The following PTPRM variants were observed in gnomAD, a reference collection of about 807,000 sequenced individuals.
PTPRM encodes receptor-type tyrosine-protein phosphatase mu.
PTPRM carries 47 observed loss-of-function variants against 186.7 expected under a neutral mutation model. The observed-to-expected ratio is 0.25, with a 90% confidence interval of 0.20 to 0.32. The LOEUF (loss-of-function observed/expected upper bound fraction) is 0.32, where lower values mean the gene tolerates loss of function less well. Ranked by LOEUF, PTPRM falls within the 10% of genes least tolerant of loss-of-function variation. PTPRM has a pLI of 1.00. For missense variants in PTPRM, 1,494 were observed against 1,865.0 expected (o/e 0.80, Z 3.66); for synonymous variants, 668 against 674.9 (o/e 0.99, Z 0.16).
chr18:8,185,413 C>G (rs769229193), intron 14 of PTPRM, among the ~76,000 whole-genome samples: 6 of 152,226 alleles, frequency 3.9e-5, no homozygotes, highest in Non-Finnish European at 8.8e-5. Context: ...AGCTGATCAC[C>G]TTGCTCGGGG....
At chr18:7,953,214 G>C (rs987827912) in intron 6 of PTPRM, among the ~76,000 whole-genome samples, 2 of 152,196 alleles carry the variant, frequency 1.3e-5, no homozygotes, top group Admixed American at 6.5e-5. Flanking sequence ...TAGGATACTA[G>C]TTACAATGTC....
intron 30 of PTPRM, 152 bp from the exon 31 acceptor site, chr18:8,386,920 C>T (rs2095778541): frequency 1.3e-6 from 1 of 774,886 alleles, no homozygotes; most frequent in East Asian, 2.6e-5. Context: ...AAAACCATAA[C>T]TCTTCAGGCC....
chr18:7,802,245 G>A (rs1422644398), intron 2 of PTPRM, among the ~76,000 whole-genome samples: 1 of 152,164 alleles, frequency 6.6e-6, no homozygotes, highest in Non-Finnish European at 1.5e-5. Context: ...GGGTCCCGCT[G>A]CTGCCTCCTG....
intron 4 of PTPRM, among the ~76,000 whole-genome samples, chr18:7,925,020 A>T (rs528315375): frequency 6.6e-6 from 1 of 152,288 alleles, no homozygotes; most frequent in African/African-American, 2.4e-5. Flanking sequence ...TATCTCCCTC[A>T]CAGAACATTT....
intron 22 of PTPRM, 91 bp downstream of exon 22, chr18:8,319,305 T>C (rs2095330881): frequency 1.1e-6 from 1 of 925,694 alleles, no homozygotes; most frequent in East Asian, 2.6e-5. Context: ...CAGGAAGATA[T>C]TGCACATTTA....
chr18:7,845,930 A>T (rs2046572288), intron 2 of PTPRM, among the ~76,000 whole-genome samples: 1 of 152,120 alleles, frequency 6.6e-6, no homozygotes, highest in Non-Finnish European at 1.5e-5. Flanking sequence ...CAATCCTGTA[A>T]TACAGGCTCA....
At chr18:7,865,666 C>T (rs570163817) in intron 2 of PTPRM, among the ~76,000 whole-genome samples, 4 of 152,168 alleles carry the variant, frequency 2.6e-5, no homozygotes, top group Admixed American at 6.5e-5. Context: ...TGTGTCTCTG[C>T]GAGGTTTTGG....
chr18:7,722,411 T>G (rs2040463927), intron 1 of PTPRM, among the ~76,000 whole-genome samples: 1 of 152,114 alleles, frequency 6.6e-6, no homozygotes, highest in Non-Finnish European at 1.5e-5. Flanking sequence ...AAATATGAAG[T>G]AGGAGACATA....
In PTPRM at chr18:8,287,177, A is replaced by T. The variant is rs571729197; in HGVS notation, c.2755-9191A>T. On this transcript the variant is annotated intron_variant, in intron 19 of 32. Coordinates refer to ENST00000580170, the MANE Select transcript of PTPRM (RefSeq NM_001105244.2). ...ACTATATAGAGTCAGTGAAGGAAAAATACAGACATGGGAGGAAAAATTGGA... is the reference window on the plus strand; with the variant it reads ...ACTATATAGAGTCAGTGAAGGAAAATTACAGACATGGGAGGAAAAATTGGA... 1.1e-4 allele frequency among the ~76,000 whole-genome samples: 17 copies of T among 152,334 alleles called. No homozygotes were observed. The South Asian group carries it at 3.5e-3, about 32-fold the overall frequency.
At chr18:8,339,091 A>G (rs991475594) in intron 22 of PTPRM, among the ~76,000 whole-genome samples, 2 of 152,118 alleles carry the variant, frequency 1.3e-5, no homozygotes, top group African/African-American at 4.8e-5. Context: ...CCCATGAACT[A>G]GAGAACTCAT....
At chr18:8,067,325 G>T (rs186127047) in intron 7 of PTPRM, among the ~76,000 whole-genome samples, 3 of 152,016 alleles carry the variant, frequency 2.0e-5, no homozygotes, top group African/African-American at 7.3e-5. Context: ...AGACATTTCC[G>T]TTAAGTTGTA....
intron 7 of PTPRM, among the ~76,000 whole-genome samples, chr18:7,957,384 GA>G (rs997940339): frequency 6.6e-6 from 1 of 152,160 alleles, no homozygotes; most frequent in Non-Finnish European, 1.5e-5. Flanking sequence ...TTATTTTTAA[GA>G]AATGAAAACC....
At chr18:8,168,329 G>A (rs1230523132) in intron 14 of PTPRM, among the ~76,000 whole-genome samples, 1 of 152,108 alleles carries the variant, frequency 6.6e-6, no homozygotes, top group Non-Finnish European at 1.5e-5. Flanking sequence ...CCACTTTATA[G>A]CCAAACCAAG....
At position 8,147,748 on chromosome 18, in the gene PTPRM, C is replaced by T. The variant is rs186690364; in HGVS notation, c.2300+3969C>T. ...CAGTTTTTAAAGGGAGTGCTTCCAA[C>T]TTTTGCCCATTCACTATGATATTGG... On this transcript the variant is annotated intron_variant, in intron 14 of 32. Transcript: ENST00000580170. Among the ~76,000 whole-genome samples, 708 of 152,216 alleles carry T rather than the reference C, an allele frequency of 4.7e-3. 2 individuals are homozygous for T. The highest frequency in any genetic ancestry group is 6.8e-3 in the Admixed American group (104 of 15,276).
chr18:8,288,187 T>C (rs1397044135), intron 19 of PTPRM, among the ~76,000 whole-genome samples: 1 of 152,204 alleles, frequency 6.6e-6, no homozygotes, highest in African/African-American at 2.4e-5. Context: ...GAAGAAGTAA[T>C]CTGGAAATGC....
intron 1 of PTPRM, among the ~76,000 whole-genome samples, chr18:7,746,943 A>G (rs545895229): frequency 6.6e-6 from 1 of 152,200 alleles, no homozygotes; most frequent in South Asian, 2.1e-4. Context: ...GGCAGAGGTA[A>G]AGCAGGTCTC....
At position 8,023,132 on chromosome 18, in the gene PTPRM, G is replaced by A. The variant is rs1444664515; in HGVS notation, c.1133-46554G>A. The stretch of plus-strand genomic sequence containing the variant: ...AGGTGATGGAAGGACAAGAGCCAGG[G>A]CATTGTAAGTGACAGGGAGGATCGT... On this transcript the variant is annotated intron_variant, in intron 7 of 32. Transcript: ENST00000580170. Among the ~76,000 whole-genome samples the A allele has an allele frequency of 2.0e-5, 3 of 152,098 alleles. No homozygotes were observed. The South Asian group carries it at 6.2e-4, about 32-fold the overall frequency.
chr18:8,195,824 C>T (rs767901041), intron 14 of PTPRM, among the ~76,000 whole-genome samples: 1 of 152,050 alleles, frequency 6.6e-6, no homozygotes, highest in Non-Finnish European at 1.5e-5. Flanking sequence ...ACTGAAAGCC[C>T]AGACTCCACC....
At chr18:8,231,222 G>A (rs907983704) in intron 14 of PTPRM, among the ~76,000 whole-genome samples, 1 of 152,138 alleles carries the variant, frequency 6.6e-6, no homozygotes, top group Non-Finnish European at 1.5e-5. Context: ...ACAGAGGGTG[G>A]GGGTAATCAG....
Sources: allele counts gnomAD v4.1 joint callset (sites outside exome capture counted in the v4.1 genomes callset), GRCh38; gene constraint gnomAD v4.1.1; transcripts MANE v1.5; gene names NCBI Gene and HGNC (gene_info 2026-07-23, HGNC 2026-07-21).